The following PHTF2 variants were observed in gnomAD, a reference collection of about 807,000 sequenced individuals.
PHTF2 encodes the protein protein PHTF2.
PHTF2 carries 60 observed loss-of-function variants against 101.2 expected under a neutral mutation model. The observed-to-expected ratio is 0.59, with a 90% CI of 0.48 to 0.73. PHTF2 has a LOEUF of 0.73. Among genes scored for constraint, PHTF2 ranks in the 30% least tolerant of loss-of-function variants. PHTF2 has a pLI of 0.00. For synonymous variants in PHTF2, 311 were observed against 307.3 expected, an observed-to-expected ratio of 1.01 and a Z score of -0.13; for missense variants, 747 against 908.7, an observed-to-expected ratio of 0.82 and a Z score of 2.29.
At chr7:77,824,832 A>T (rs1794582362) in intron 1 of PHTF2, among the ~76,000 whole-genome samples, 1 of 151,878 alleles carries the variant, frequency 6.6e-6, no homozygotes, top group Admixed American at 6.6e-5. Context: ...CAGGAGTTCA[A>T]GGCCAGCCTG....
chr7:77,835,839 G>A (rs964496501), intron 1 of PHTF2, among the ~76,000 whole-genome samples: 1 of 152,178 alleles, frequency 6.6e-6, no homozygotes, highest in Admixed American at 6.5e-5. Flanking sequence ...GAGAAAATAG[G>A]CCGGGCACAG....
At chr7:77,890,021 C>CA (rs1800237937) in intron 3 of PHTF2, among the ~76,000 whole-genome samples, 5 of 111,212 alleles carry the variant, frequency 4.5e-5, no homozygotes, top group Non-Finnish European at 9.0e-5. Flanking sequence ...AATTAAGACG[C>CA]GCCCCCCCCC....
intron 2 of PHTF2, among the ~76,000 whole-genome samples, chr7:77,843,499 T>A (rs1796043917): frequency 6.7e-6 from 1 of 148,712 alleles, no homozygotes; most frequent in Non-Finnish European, 1.5e-5. Context: ...TTTTCTTTTA[T>A]CATTAGCCTG....
chr7:77,905,861 A>G lies in PHTF2; in HGVS notation c.446-2932A>G, dbSNP rs1172717721. On this transcript the variant is annotated intron_variant, in intron 7 of 19. Transcript: ENST00000416283. ...GCCTTTGAAATATTTGTGCCCAACAACATTCTGTCTTAGTTGATCTCCAGC... is the reference window on the plus strand; with the variant it reads ...GCCTTTGAAATATTTGTGCCCAACAGCATTCTGTCTTAGTTGATCTCCAGC... Among the ~76,000 whole-genome samples the G allele has an allele frequency of 5.9e-5, 9 of 152,308 alleles. No individual in the cohort carries two copies. In the South Asian group the frequency reaches 1.9e-3, roughly 32 times the overall value.
At chr7:77,941,011 G>A (rs1400808631) in intron 15 of PHTF2, among the ~76,000 whole-genome samples, 1 of 152,124 alleles carries the variant, frequency 6.6e-6, no homozygotes, top group Non-Finnish European at 1.5e-5. Context: ...AAACTCTGGA[G>A]GGAAGAGGGA....
At chr7:77,928,471 A>G (rs965281043) in intron 11 of PHTF2, among the ~76,000 whole-genome samples, 11 of 151,756 alleles carry the variant, frequency 7.2e-5, no homozygotes, top group African/African-American at 2.4e-4. Context: ...AACAGTAGAT[A>G]AATCCACTCT....
At chr7:77,840,113 T>C (rs1300768671) in intron 1 of PHTF2, 108 bp from the exon 2 acceptor site, 2 of 557,568 alleles carry the variant, frequency 3.6e-6, no homozygotes, top group Non-Finnish European at 6.5e-6. Flanking sequence ...AGTCTCGTCA[T>C]ACACCCCTTG....
At chr7:77,824,870 C>CAAAAA (rs112875578) in intron 1 of PHTF2, among the ~76,000 whole-genome samples, 1 of 130,590 alleles carries the variant, frequency 7.7e-6, no homozygotes, top group African/African-American at 2.8e-5. Context: ...CCACCTCTAC[C>CAAAAA]AAAAAAAAAA....
chr7:77,897,794 C>T (rs746417137), intron 5 of PHTF2, among the ~76,000 whole-genome samples: 1 of 152,134 alleles, frequency 6.6e-6, no homozygotes, highest in Non-Finnish European at 1.5e-5. Context: ...GATTCTCCTG[C>T]CTCAGCCTCC....
intron 3 of PHTF2, among the ~76,000 whole-genome samples, chr7:77,886,105 A>G (rs62462688): frequency 6.6e-6 from 1 of 151,976 alleles, no homozygotes; most frequent in African/African-American, 2.4e-5. Context: ...TTAATCTTTT[A>G]TCTAAGCACT....
intron 13 of PHTF2, chr7:77,938,073 A>C (rs1372661700): frequency 1.6e-5 from 3 of 191,280 alleles, no homozygotes; most frequent in Non-Finnish European, 3.2e-5. Flanking sequence ...ACGGTCTATA[A>C]TTTTTCTCTT....
At chr7:77,932,621 A>AAT (rs1554391104) in intron 12 of PHTF2, among the ~76,000 whole-genome samples, 1 of 118,476 alleles carries the variant, frequency 8.4e-6, no homozygotes, top group Non-Finnish European at 1.7e-5. Flanking sequence ...AGAGAGAGAG[A>AAT]GTGTGTGTGT....
At chr7:77,950,601 G>A (rs376138556) in intron 17 of PHTF2, among the ~76,000 whole-genome samples, 2 of 152,270 alleles carry the variant, frequency 1.3e-5, no homozygotes, top group East Asian at 3.9e-4. Flanking sequence ...GTTGCAGTGA[G>A]CTGAGATTGT....
At chr7:77,828,160 C>A (rs549717311) in intron 1 of PHTF2, among the ~76,000 whole-genome samples, 10 of 152,158 alleles carry the variant, frequency 6.6e-5, no homozygotes, top group Middle Eastern at 6.8e-3. Context: ...TTGAATTGAG[C>A]CTGATAGGTT....
chr7:77,916,058 T>C (rs1017123038), intron 9 of PHTF2, among the ~76,000 whole-genome samples: 3 of 152,064 alleles, frequency 2.0e-5, no homozygotes, highest in Admixed American at 6.6e-5. Flanking sequence ...CTTTAATTCC[T>C]AATATCAGCT....
chr7:77,822,997 C>G (rs531386037), intron 1 of PHTF2, among the ~76,000 whole-genome samples: 1 of 151,060 alleles, frequency 6.6e-6, no homozygotes, highest in Non-Finnish European at 1.5e-5. Context: ...CTCCGCCTCC[C>G]GGGTTCACGC....
At chr7:77,864,611 C>G (rs1274325583) in intron 3 of PHTF2, among the ~76,000 whole-genome samples, 2 of 151,834 alleles carry the variant, frequency 1.3e-5, no homozygotes, top group African/African-American at 4.8e-5. Flanking sequence ...CCCACTTATG[C>G]TTTTAATTTT....
intron 1 of PHTF2, among the ~76,000 whole-genome samples, chr7:77,832,856 C>T (rs1234183951): frequency 1.3e-5 from 2 of 152,052 alleles, no homozygotes; most frequent in African/African-American, 4.8e-5. Context: ...AAATGTAATG[C>T]TCTCGAATCA....
exon 13 of PHTF2, chr7:77,937,755 A>G: frequency 6.7e-7 from 1 of 1,500,380 alleles, no homozygotes; most frequent in Non-Finnish European, 9.1e-7. Context: ...ATTAGAAAAA[A>G]TAAGTGCTAT....
Sources: allele counts gnomAD v4.1 joint callset (sites outside exome capture counted in the v4.1 genomes callset), GRCh38; gene constraint gnomAD v4.1.1; transcripts MANE v1.5; gene names NCBI Gene and HGNC (gene_info 2026-07-23, HGNC 2026-07-21).